The following ATN1 variants were observed in gnomAD, a reference collection of about 807,000 sequenced individuals.
ATN1 encodes the protein atrophin-1.
ATN1 carries 19 observed loss-of-function variants against 85.8 expected under a neutral mutation model. The ratio of observed to expected loss-of-function variants is 0.22; its 90% CI spans 0.15 to 0.32. The LOEUF (loss-of-function observed/expected upper bound fraction) is 0.32. ATN1 is among the 10% of genes least tolerant of loss of function. ATN1 has a pLI of 1.00. For missense variants in ATN1, 1,453 were observed against 1,564.5 expected, an observed-to-expected ratio of 0.93 and a Z score of 1.20; for synonymous variants, 674 against 657.0, an observed-to-expected ratio of 1.03 and a Z score of -0.39.
rs1302159294 is a variant in ATN1 at position 6,933,853 on chromosome 12, CAG to C, written c.-147_-146del. 1 of 858,564 alleles carries C rather than the reference CAG, an allele frequency of 1.2e-6. No homozygotes were observed. Among genetic ancestry groups the C allele is most frequent in the Non-Finnish European group, 1.8e-6 (1 of 542,570 alleles). 53.2% of individuals were successfully genotyped at this position (858,564 alleles called of 1,614,324 possible). ...TCCTTCTAACAGGTTTCATTGAAAA[CAG>C]ATCCTGCAAAAGTTCCAGGTGCCCA... On this transcript the variant is annotated 5_prime_UTR_variant, in exon 2 of 10. Coordinates refer to ENST00000396684, the MANE Select transcript of ATN1 (RefSeq NM_001940.4).
At chr12:6,925,141 T>TGA (rs112382496), upstream of ATN1, among the ~76,000 whole-genome samples, 626 of 147,634 alleles carry the variant, frequency 4.2e-3, 3 homozygotes, top group African/African-American at 0.012. Flanking sequence ...TGTGTGTGTG[T>TGA]GAGAGAGAGA....
chr12:6,934,381 G>A lies in ATN1; in HGVS notation c.165+68G>A. On this transcript the variant is annotated intron_variant, in intron 3 of 9. Transcript: ENST00000396684. The surrounding 1 kb of genome is among the most constrained non-coding windows in gnomAD (Gnocchi z 4.5). ...GGGGCTGAGGGTGTGTGTGTGTTGTGGGGGAACTTCCTGTTTGGCAGAGGG... is the reference window on the plus strand; with the variant it reads ...GGGGCTGAGGGTGTGTGTGTGTTGTAGGGGAACTTCCTGTTTGGCAGAGGG... The A allele has an allele frequency of 1.2e-6, 2 of 1,601,084 alleles. No individual in the cohort carries two copies. The highest frequency in any genetic ancestry group is 1.7e-6 in the Non-Finnish European group (2 of 1,173,112).
At chr12:6,939,303 T>G in intron 7 of ATN1, 126 bp downstream of exon 7, 4 of 1,357,262 alleles carry the variant, frequency 2.9e-6, no homozygotes, top group Non-Finnish European at 3.9e-6. Context: ...CTGAGATTGC[T>G]GCCCTGAACT....
Position 6,938,647 on chromosome 12 carries a change from T to C in ATN1, c.2684T>C (p.Met895Thr), listed in dbSNP as rs1935129728. 1 of 1,614,110 alleles carries C rather than the reference T, an allele frequency of 6.2e-7. No homozygotes were observed. Among genetic ancestry groups the C allele is most frequent in the Admixed American group, 1.7e-5 (1 of 60,008 alleles). Reference sequence around the variant, plus strand: ...AGTGAATATGCCCGGCCTCATGTCATGTCTCCTGGCAATCGCAACCATCCA... The same window carrying C: ...AGTGAATATGCCCGGCCTCATGTCACGTCTCCTGGCAATCGCAACCATCCA... ...TLSEYARPHV[M>T]SPGNRNHPFY... Residue 895 changes from methionine to threonine, a missense_variant, in exon 7 of 10, where the codon ATG becomes ACG. Coordinates refer to ENST00000396684, the MANE Select transcript of ATN1 (RefSeq NM_001940.4).
intron 1 of ATN1, among the ~76,000 whole-genome samples, chr12:6,930,939 T>C (rs1397314739): frequency 6.6e-6 from 1 of 152,162 alleles, no homozygotes; most frequent in African/African-American, 2.4e-5. Context: ...AGGCTGGTGC[T>C]AAAACATGAC....
chr12:6,937,075 C>T lies in ATN1; in HGVS notation c.1808C>T (p.Pro603Leu), dbSNP rs782577561. The change falls in exon 5 of 10, where the codon CCG becomes CTG. Residue 603 changes from proline (P) to leucine (L), a missense_variant. Coordinates refer to ENST00000396684, the MANE Select transcript of ATN1 (RefSeq NM_001940.4). The surrounding 1 kb of genome is among the most constrained non-coding windows in gnomAD (Gnocchi z 6.0). ...GPQGAPYPFP[P>L]VPTVTTSSAT... is the part of the protein sequence containing the mutation. The stretch of plus-strand genomic sequence containing the variant: ...CAAGGGGCGCCCTACCCTTTCCCAC[C>T]GGTGCCTACGGTCACCACCTCTTCG... 4 of 1,613,294 alleles carry T rather than the reference C, an allele frequency of 2.5e-6. No individual in the cohort carries two copies. The highest frequency in any genetic ancestry group is 1.1e-5 in the South Asian group (1 of 91,082).
intron 1 of ATN1, among the ~76,000 whole-genome samples, chr12:6,932,918 G>A (rs1555143177): frequency 6.6e-6 from 1 of 152,150 alleles, no homozygotes; most frequent in African/African-American, 2.4e-5. Context: ...GACTGATCTA[G>A]GCCTTCTGAG....
upstream of ATN1, among the ~76,000 whole-genome samples, chr12:6,925,111 C>T (rs996421899): frequency 3.8e-5 from 4 of 105,104 alleles, no homozygotes; most frequent in East Asian, 6.4e-4. Context: ...TGTGTGTGTG[C>T]GTGTGCGTGT....
chr12:6,925,287 A>G (rs1286566637), upstream of ATN1, among the ~76,000 whole-genome samples: 2 of 152,100 alleles, frequency 1.3e-5, no homozygotes, highest in African/African-American at 2.4e-5. Context: ...TTCTTTTAGT[A>G]TCCATTGTAG....
At chr12:6,940,617 C>T (rs1945621345) in intron 7 of ATN1, among the ~76,000 whole-genome samples, 2 of 152,172 alleles carry the variant, frequency 1.3e-5, no homozygotes, top group South Asian at 4.1e-4. Flanking sequence ...CTTCTTCACG[C>T]AGTCTACCTC....
At chr12:6,940,784 T>A (rs897950331) in intron 7 of ATN1, 96 bp from the exon 8 acceptor site, 2 of 1,488,052 alleles carry the variant, frequency 1.3e-6, no homozygotes, top group Non-Finnish European at 1.9e-6. Context: ...CTTGTGTTTG[T>A]CTGACTCAGT....
At position 6,941,459 on chromosome 12, in the gene ATN1, T is replaced by C. The variant is rs782505636; in HGVS notation, c.3444T>C (p.Ala1148=). Residue 1148 remains alanine, a synonymous_variant, in exon 9 of 10, where the codon GCT becomes GCC. Coordinates refer to ENST00000396684, the MANE Select transcript of ATN1 (RefSeq NM_001940.4). This position sits in a 1 kb window ranked among gnomAD's most constrained non-coding sequence, Gnocchi z 5.9. ...HQLQAMHAQS[A]ELQRLALEQQ... ...TGCAGGCCATGCACGCACAGTCAGC[T>C]GAGCTGCAGCGCTTGGCGCTGGAAC... is the stretch of plus-strand genomic sequence containing the variant. The C allele has an allele frequency of 1.9e-6, 3 of 1,612,906 alleles. No individual in the cohort carries two copies. The highest frequency in any genetic ancestry group is 2.5e-6 in the Non-Finnish European group (3 of 1,179,914).
chr12:6,939,797 C>T (rs1476716266), intron 7 of ATN1, among the ~76,000 whole-genome samples: 1 of 152,180 alleles, frequency 6.6e-6, no homozygotes, highest in Non-Finnish European at 1.5e-5. Flanking sequence ...AGCCACCGTG[C>T]CCAACCCACA....
Position 6,937,386 on chromosome 12 carries a change from T to A in ATN1, c.2119T>A (p.Ser707Thr), listed in dbSNP as rs782804106. Residue 707 changes from serine (S) to threonine (T), a missense_variant, in exon 5 of 10, where the codon TCG becomes ACG. Coordinates refer to ENST00000396684, the MANE Select transcript of ATN1 (RefSeq NM_001940.4). The surrounding 1 kb of genome is among the most constrained non-coding windows in gnomAD (Gnocchi z 6.0). Reference sequence around the variant, plus strand: ...ACCTGCGGGGCCCTCAGGCCTGCCATCGCTGCCACCACCACCTGCGGCCCC... The same window carrying A: ...ACCTGCGGGGCCCTCAGGCCTGCCAACGCTGCCACCACCACCTGCGGCCCC... ...LPPAGPSGLP[S>T]LPPPPAAPAS... The A allele has an allele frequency of 1.9e-6, 3 of 1,548,942 alleles. No individual in the cohort carries two copies. Among genetic ancestry groups the A allele is most frequent in the Middle Eastern group, 1.7e-4 (1 of 5,902 alleles).
At position 6,938,754 on chromosome 12, in the gene ATN1, C is replaced by T. The variant is rs782646969; in HGVS notation, c.2791C>T (p.Arg931Trp). 3 of 1,614,038 alleles carry T rather than the reference C, an allele frequency of 1.9e-6. No homozygotes were observed. Among genetic ancestry groups the T allele is most frequent in the Non-Finnish European group, 1.7e-6 (2 of 1,180,040 alleles). ...CCTGTACAGCAGTGATCCAGCTGCCCGGGAGAGGGAACGGGAAGCCCGTGA... is the reference window on the plus strand; with the variant it reads ...CCTGTACAGCAGTGATCCAGCTGCCTGGGAGAGGGAACGGGAAGCCCGTGA... Reference protein sequence around the residue: ...PALYSSDPAAREREREARERD... With the variant: ...PALYSSDPAAWEREREARERD... Residue 931 changes from arginine (R) to tryptophan (W), a missense_variant, in exon 7 of 10, where the codon CGG becomes TGG. By Grantham distance (101) the Arg-to-Trp change is moderately radical. Coordinates refer to ENST00000396684, the MANE Select transcript of ATN1 (RefSeq NM_001940.4).
Position 6,934,275 on chromosome 12 carries a change from A to G in ATN1, c.127A>G (p.Ser43Gly). The G allele has an allele frequency of 1.3e-6, 2 of 1,576,440 alleles. No homozygotes were observed. Among genetic ancestry groups the G allele is most frequent in the South Asian group, 2.3e-5 (2 of 85,368 alleles). The change falls in exon 3 of 10, where the codon AGT becomes GGT. Residue 43 changes from serine (S) to glycine (G), a missense_variant. By Grantham distance (56) the Ser-to-Gly change is moderately conservative. This residue lies in a region of ATN1 where 130 missense variants were observed against 158.2 expected (regional missense o/e 0.82). Coordinates refer to ENST00000396684, the MANE Select transcript of ATN1 (RefSeq NM_001940.4). The surrounding 1 kb of genome is among the most constrained non-coding windows in gnomAD (Gnocchi z 4.5). ...CCCTGGAGGGGTCAGCACGTCCAGC[A>G]GTGATGGCAAAGCTGAGAAGTCCAG... ...ASPGGVSTSS[S>G]DGKAEKSRQT...
chr12:6,942,098 C>A lies in ATN1; in HGVS notation c.*318C>A. 2.2e-6 allele frequency: 1 copy of A among 453,474 alleles called. No individual in the cohort carries two copies. Among genetic ancestry groups the A allele is most frequent in the Non-Finnish European group, 4.1e-6 (1 of 246,442 alleles). 28.1% of individuals were successfully genotyped at this position (453,474 alleles called of 1,614,324 possible). A position where few individuals can be genotyped will look rare whatever the true frequency, so the allele number is the denominator to read the frequency against. On this transcript the variant is annotated 3_prime_UTR_variant, in exon 10 of 10. Transcript: ENST00000396684. ...TGTGGCCGCCGCCCCTCCCCTGCCCCGTTGGTGTGATTATTTCATCTGTTA... is the reference window on the plus strand; with the variant it reads ...TGTGGCCGCCGCCCCTCCCCTGCCCAGTTGGTGTGATTATTTCATCTGTTA...
intron 1 of ATN1, among the ~76,000 whole-genome samples, chr12:6,929,706 T>G (rs782182802): frequency 6.6e-6 from 1 of 152,284 alleles, no homozygotes; most frequent in African/African-American, 2.4e-5. Flanking sequence ...GTAGATACGT[T>G]CCTTGCAGAT....
rs1555143452 is a variant in ATN1 at position 6,935,625 on chromosome 12, G to A, written c.358G>A (p.Asp120Asn). The A allele has an allele frequency of 4.3e-6, 7 of 1,613,860 alleles. No homozygotes were observed. The highest frequency in any genetic ancestry group is 5.9e-6 in the Non-Finnish European group (7 of 1,179,868). ...GRSLNDDGSS[D>N]PRDIDQDNRS... is the part of the protein sequence containing the mutation. ...GAGCCTTAATGATGATGGCAGCAGC[G>A]ACCCTAGGGATATCGACCAGGACAA... The change falls in exon 5 of 10, where the codon GAC (aspartate) becomes AAC (asparagine). Residue 120 changes from aspartate (D) to asparagine (N), a missense_variant. Asp to Asn is a conservative substitution (Grantham distance 23). Around this residue, in one of 6 missense-constraint regions of ATN1, gnomAD observed 130 missense variants for 158.2 expected, o/e 0.82. Coordinates refer to ENST00000396684, the MANE Select transcript of ATN1 (RefSeq NM_001940.4). The surrounding 1 kb of genome is among the most constrained non-coding windows in gnomAD (Gnocchi z 5.3).
Sources: allele counts gnomAD v4.1 joint callset (sites outside exome capture counted in the v4.1 genomes callset), GRCh38; gene constraint gnomAD v4.1.1; regional missense constraint gnomAD v4.1.1; non-coding constraint Gnocchi (gnomAD v3.1); transcripts MANE v1.5; gene names NCBI Gene and HGNC (gene_info 2026-07-23, HGNC 2026-07-21).